Variants in EFL1 observed in about 807,000 individuals in gnomAD.
EFL1 encodes the protein elongation factor like GTPase 1, also known as elongation factor-like GTPase 1.
Under a neutral mutation model 126.7 loss-of-function variants are expected in EFL1, and 76 were observed. That is an observed-to-expected ratio of 0.60 (90% CI 0.50 to 0.73). The LOEUF (loss-of-function observed/expected upper bound fraction) is 0.73. EFL1 is among the 30% of genes least tolerant of loss of function. The pLI, the probability that EFL1 is intolerant of heterozygous loss-of-function variation, is 0.00. For synonymous variants in EFL1, 410 were observed against 448.4 expected (o/e 0.91, Z 1.08); for missense variants, 1,128 against 1,343.2 (o/e 0.84, Z 2.50).
intron 15 of EFL1, among the ~76,000 whole-genome samples, chr15:82,169,631 AT>A (rs200600862): frequency 6.0e-5 from 9 of 150,660 alleles, no homozygotes; most frequent in African/African-American, 1.9e-4. Context: ...ACTCTTTCAT[AT>A]TTTTTTTTCT....
chr15:82,217,162 C>A (rs1476244914), intron 14 of EFL1, among the ~76,000 whole-genome samples: 2 of 151,358 alleles, frequency 1.3e-5, no homozygotes, highest in Non-Finnish European at 3.0e-5. Context: ...CTAACAAAAC[C>A]AAATTTTGGT....
intron 15 of EFL1, among the ~76,000 whole-genome samples, chr15:82,186,086 G>C (rs12323987): frequency 0.075 from 11,330 of 151,464 alleles, 658 homozygotes; most frequent in African/African-American, 0.15. Flanking sequence ...TTTTGTAAGG[G>C]GGGACTTGTC....
intron 19 of EFL1, among the ~76,000 whole-genome samples, chr15:82,131,508 A>C (rs891582404): frequency 6.6e-6 from 1 of 152,128 alleles, no homozygotes; most frequent in African/African-American, 2.4e-5. Context: ...TGTGAATGGG[A>C]AAAATGCAGC....
intron 15 of EFL1, among the ~76,000 whole-genome samples, chr15:82,183,591 A>C (rs543379012): frequency 6.6e-6 from 1 of 152,294 alleles, no homozygotes; most frequent in Admixed American, 6.5e-5. Context: ...CCCTCCCTAA[A>C]TCTGATGGAA....
chr15:82,131,557 G>A (rs2059779555), intron 19 of EFL1, among the ~76,000 whole-genome samples: 1 of 152,206 alleles, frequency 6.6e-6, no homozygotes, highest in Non-Finnish European at 1.5e-5. Flanking sequence ...GGGGGAGGCT[G>A]AGGCAGGTGG....
chr15:82,239,764 T>C (rs2074912186), intron 6 of EFL1, among the ~76,000 whole-genome samples: 1 of 152,206 alleles, frequency 6.6e-6, no homozygotes, highest in Non-Finnish European at 1.5e-5. Flanking sequence ...TCCTTCTCTT[T>C]TGAATGTCCT....
intron 8 of EFL1, among the ~76,000 whole-genome samples, chr15:82,229,438 C>G (rs769120241): frequency 1.3e-5 from 2 of 152,132 alleles, no homozygotes; most frequent in Non-Finnish European, 2.9e-5. Flanking sequence ...CGGGCTCTTT[C>G]CATGGACTTC....
intron 16 of EFL1, among the ~76,000 whole-genome samples, chr15:82,160,484 TTATC>T (rs1302927027): frequency 1.3e-5 from 2 of 152,212 alleles, no homozygotes; most frequent in East Asian, 3.8e-4. Context: ...CAAATCAATA[TTATC>T]TATAATTATA....
At chr15:82,209,352 C>CACAG (rs1555429312) in intron 15 of EFL1, among the ~76,000 whole-genome samples, 1 of 147,328 alleles carries the variant, frequency 6.8e-6, no homozygotes, top group Non-Finnish European at 1.5e-5. Flanking sequence ...CACACACACA[C>CACAG]AGATTATCAA....
chr15:82,179,914 A>G (rs1216292077), intron 15 of EFL1, among the ~76,000 whole-genome samples: 1 of 152,134 alleles, frequency 6.6e-6, no homozygotes, highest in African/African-American at 2.4e-5. Flanking sequence ...CAGAAGAGCA[A>G]AAGTGCTGGG....
intron 4 of EFL1, among the ~76,000 whole-genome samples, chr15:82,252,277 G>A (rs2075029419): frequency 6.6e-6 from 1 of 152,178 alleles, no homozygotes; most frequent in South Asian, 2.1e-4. Context: ...ATTCCTAGAA[G>A]TGTTACTATC....
In EFL1 at chr15:82,249,911, T is replaced by G. The variant is rs2075006262; in HGVS notation, c.244+2780A>C. Among the ~76,000 whole-genome samples, 5 of 152,100 alleles carry G rather than the reference T, an allele frequency of 3.3e-5. No homozygotes were observed. In the South Asian group the frequency reaches 1.0e-3, roughly 31 times the overall value. ...TTAAACTAGAATAAGACCCTATATTTCAACCCAAATAAATATTTGAAAATA... is the reference window on the plus strand; with the variant it reads ...TTAAACTAGAATAAGACCCTATATTGCAACCCAAATAAATATTTGAAAATA... On this transcript the variant is annotated intron_variant, in intron 4 of 19. Transcript: ENST00000268206.
At chr15:82,210,696 T>C (rs1330042084) in intron 15 of EFL1, among the ~76,000 whole-genome samples, 1 of 151,972 alleles carries the variant, frequency 6.6e-6, no homozygotes, top group East Asian at 1.9e-4. Context: ...ACCCCATCTC[T>C]ACTAAAAATA....
chr15:82,193,095 T>C (rs1219242323), intron 15 of EFL1, among the ~76,000 whole-genome samples: 1 of 152,240 alleles, frequency 6.6e-6, no homozygotes, highest in Admixed American at 6.5e-5. Flanking sequence ...CAGCTAAATT[T>C]GTTAACAAAG....
At chr15:82,202,517 A>T (rs1421282971) in intron 15 of EFL1, among the ~76,000 whole-genome samples, 1 of 152,120 alleles carries the variant, frequency 6.6e-6, no homozygotes, top group Non-Finnish European at 1.5e-5. Context: ...TTTTTTTGAA[A>T]TGAAATAATG....
At chr15:82,219,966 T>C (rs1567068272) in intron 13 of EFL1, 112 bp downstream of exon 13, 4 of 1,494,786 alleles carry the variant, frequency 2.7e-6, no homozygotes, top group Non-Finnish European at 3.6e-6. Context: ...GGAAAGAATA[T>C]TGATAAAAAC....
chr15:82,245,925 T>A (rs1414607272), intron 4 of EFL1, among the ~76,000 whole-genome samples: 5 of 145,732 alleles, frequency 3.4e-5, no homozygotes, highest in African/African-American at 1.1e-4. Context: ...AGAATGAGAC[T>A]CTTGTCTTAA....
intron 18 of EFL1, among the ~76,000 whole-genome samples, chr15:82,145,238 G>A (rs1045679957): frequency 1.3e-5 from 2 of 151,194 alleles, no homozygotes; most frequent in African/African-American, 4.9e-5. Flanking sequence ...GGAAGGTGGA[G>A]GTTGTGGTGA....
At chr15:82,254,943 A>T (rs1216861756) in intron 3 of EFL1, among the ~76,000 whole-genome samples, 2 of 150,074 alleles carry the variant, frequency 1.3e-5, no homozygotes, top group Non-Finnish European at 3.0e-5. Flanking sequence ...TAGACCTTCA[A>T]CTGGTGGGTA....
Sources: allele counts gnomAD v4.1 joint callset (sites outside exome capture counted in the v4.1 genomes callset), GRCh38; gene constraint gnomAD v4.1.1; transcripts MANE v1.5; gene names NCBI Gene and HGNC (gene_info 2026-07-23, HGNC 2026-07-21).